Variants in EIF3A observed in about 807,000 individuals in gnomAD.
EIF3A encodes EIF3, p180 subunit.
A neutral mutation model predicts 186.6 loss-of-function variants in EIF3A; 21 were observed. That is an observed-to-expected ratio of 0.11 (90% CI 0.08 to 0.16). The LOEUF (loss-of-function observed/expected upper bound fraction) is 0.16. Ranked by LOEUF, EIF3A falls within the 10% of genes least tolerant of loss-of-function variation. The pLI, the probability that EIF3A is intolerant of heterozygous loss-of-function variation, is 1.00. For missense variants in EIF3A, 1,306 were observed against 1,796.3 expected (o/e 0.73, Z 4.93); for synonymous variants, 563 against 584.3 (o/e 0.96, Z 0.52).
In EIF3A at chr10:119,065,423, T is replaced by C. The variant is rs1843956432; in HGVS notation, c.1098A>G (p.Thr366=). Residue 366 remains threonine, a synonymous_variant, in exon 7 of 22, where the codon ACA becomes ACG. Coordinates refer to ENST00000369144, the MANE Select transcript of EIF3A (RefSeq NM_003750.4). ...CCATATCATTAATAAGGCCAATTCG[T>C]GTCGGTGGGGCTTGAAGACCTAGTA... The part of the protein sequence containing the change: ...ATLLGLQAPP[T]RIGLINDMVR... 1 of 1,613,032 alleles carries C rather than the reference T, an allele frequency of 6.2e-7. No individual in the cohort carries two copies. Among genetic ancestry groups the C allele is most frequent in the Admixed American group, 1.7e-5 (1 of 59,662 alleles).
At chr10:119,049,503 A>AAAG (rs1397643947) in intron 17 of EIF3A, among the ~76,000 whole-genome samples, 1 of 150,972 alleles carries the variant, frequency 6.6e-6, no homozygotes, top group Non-Finnish European at 1.5e-5. Flanking sequence ...CAAAAAAAAA[A>AAAG]AAAAAAGAGA....
chr10:119,078,099 T>C (rs1208080042), intron 1 of EIF3A, among the ~76,000 whole-genome samples: 1 of 152,094 alleles, frequency 6.6e-6, no homozygotes, highest in African/African-American at 2.4e-5. Context: ...AGTTTATTTG[T>C]GCAACAGACC....
At chr10:119,075,391 T>C (rs530819066) in intron 1 of EIF3A, among the ~76,000 whole-genome samples, 1 of 152,204 alleles carries the variant, frequency 6.6e-6, no homozygotes, top group South Asian at 2.1e-4. Context: ...AGCAATACCT[T>C]TGCCATTACA....
In EIF3A at chr10:119,042,991, G is replaced by C. The variant is rs1263064132; in HGVS notation, c.2748-219C>G. Reference sequence around the variant, plus strand: ...TGGCAAAACCCATCTCTACTTAATTGTAAGACATGCGGCTGGGCACAGTCG... The same window carrying C: ...TGGCAAAACCCATCTCTACTTAATTCTAAGACATGCGGCTGGGCACAGTCG... On this transcript the variant is annotated intron_variant, in intron 18 of 21. Coordinates refer to ENST00000369144, the MANE Select transcript of EIF3A (RefSeq NM_003750.4). This position sits in a 1 kb window ranked among gnomAD's most constrained non-coding sequence, Gnocchi z 7.8. 6.6e-6 allele frequency among the ~76,000 whole-genome samples: 1 copy of C among 150,940 alleles called. No homozygotes were observed. The highest frequency in any genetic ancestry group is 2.4e-5 in the African/African-American group (1 of 40,976).
intron 11 of EIF3A, 77 bp downstream of exon 11, chr10:119,059,135 C>CT: frequency 8.4e-7 from 1 of 1,191,964 alleles, no homozygotes; most frequent in Non-Finnish European, 1.2e-6. Flanking sequence ...TGTCTCAAAC[C>CT]TTTTTGTAAA....
At chr10:119,050,842 G>A (rs760997130) in intron 15 of EIF3A, among the ~76,000 whole-genome samples, 168 bp from the exon 16 acceptor site, 1 of 152,050 alleles carries the variant, frequency 6.6e-6, no homozygotes, top group Non-Finnish European at 1.5e-5. Flanking sequence ...CTTGTCAGCA[G>A]GCCAAATTTT....
intron 17 of EIF3A, 122 bp downstream of exon 17, chr10:119,049,679 G>T (rs1848330307): frequency 6.5e-6 from 5 of 770,474 alleles, no homozygotes; most frequent in Non-Finnish European, 1.1e-5. Flanking sequence ...TTGAACCCGG[G>T]GGCTGAGATT....
In EIF3A at chr10:119,035,084, G is replaced by A. The variant is rs1420007630; in HGVS notation, c.*955C>T. 6.6e-6 allele frequency: 1 copy of A among 152,428 alleles called. No homozygotes were observed. Among genetic ancestry groups the A allele is most frequent in the Non-Finnish European group, 1.5e-5 (1 of 67,994 alleles). The allele number at this position is 152,428 out of a possible 1,614,324, so 9.4% of individuals were successfully genotyped here. A position where few individuals can be genotyped will look rare whatever the true frequency, so the allele number is the denominator to read the frequency against. ...TATTTATCACTGAAGAAAAAACACA[G>A]CAGCAAGTTCTGTGTTGGCTTCAAT... On this transcript the variant is annotated 3_prime_UTR_variant, in exon 22 of 22. Transcript: ENST00000369144.
rs1243808164 is a variant in EIF3A at position 119,072,207 on chromosome 10, T to TA, written c.541+682dup. ...TCTTTTTTAAAAACTAAAAATAAAT[T>TA]AAAAAAAAAAAAAAAAGTAGAGAAC... On this transcript the variant is annotated intron_variant, in intron 4 of 21. Coordinates refer to ENST00000369144, the MANE Select transcript of EIF3A (RefSeq NM_003750.4). 4.7e-3 allele frequency among the ~76,000 whole-genome samples: 385 copies of TA among 82,480 alleles called. 4 individuals carry two copies. Among genetic ancestry groups the TA allele is most frequent in the African/African-American group, 0.018 (342 of 19,098 alleles). 54.1% of individuals were successfully genotyped at this position (82,480 alleles called of 152,430 possible).
chr10:119,042,154 G>T lies in EIF3A; in HGVS notation c.3366C>A (p.Asn1122Lys), dbSNP rs756641321. The change falls in exon 19 of 22, where the codon AAC becomes AAA. Residue 1122 changes from asparagine (N) to lysine (K), a missense_variant. Asn to Lys is a moderately conservative substitution (Grantham distance 94, BLOSUM62 0). Coordinates refer to ENST00000369144, the MANE Select transcript of EIF3A (RefSeq NM_003750.4). The surrounding 1 kb of genome is among the most constrained non-coding windows in gnomAD (Gnocchi z 7.8). The stretch of plus-strand genomic sequence containing the variant: ...GCCTGGGAATTCTGTCATCATCGGC[G>T]TTCCTCCAAGGTCCTCGATCATCAT... ...GLDDDRGPWR[N>K]ADDDRIPRRG... 1 of 1,613,840 alleles carries T rather than the reference G, an allele frequency of 6.2e-7. No homozygotes were observed. The highest frequency in any genetic ancestry group is 8.5e-7 in the Non-Finnish European group (1 of 1,179,914).
intron 14 of EIF3A, among the ~76,000 whole-genome samples, chr10:119,052,796 T>C (rs1848376658): frequency 6.6e-6 from 1 of 152,206 alleles, no homozygotes. Context: ...CCAAACTCTT[T>C]CTAATGCTGA....
intron 1 of EIF3A, chr10:119,080,271 A>T (rs1844242096): frequency 5.1e-6 from 5 of 977,808 alleles, no homozygotes; most frequent in Non-Finnish European, 6.1e-6. Flanking sequence ...CGCGGGCCCT[A>T]AGCAGACCAA....
In EIF3A at chr10:119,048,356, G is replaced by T. The variant is rs115027629; in HGVS notation, c.2658+1445C>A. Among the ~76,000 whole-genome samples, 412 of 152,206 alleles carry T rather than the reference G, an allele frequency of 2.7e-3. 2 individuals are homozygous for T. The highest frequency in any genetic ancestry group is 9.6e-3 in the African/African-American group (397 of 41,530). On this transcript the variant is annotated intron_variant, in intron 17 of 21. Coordinates refer to ENST00000369144, the MANE Select transcript of EIF3A (RefSeq NM_003750.4). ...GCAGTAATGTAGGAAAAGAAAGAAG[G>T]AAGAGTTGGTTCAAAGCTGTGACAA...
At chr10:119,043,262 T>C (rs1484834144) in intron 18 of EIF3A, among the ~76,000 whole-genome samples, 1 of 152,074 alleles carries the variant, frequency 6.6e-6, no homozygotes, top group Non-Finnish European at 1.5e-5. Flanking sequence ...CTACTAAAAA[T>C]GCAAAAATTA....
chr10:119,042,148 A>C lies in EIF3A; in HGVS notation c.3372T>G (p.Asp1124Glu). The change falls in exon 19 of 22, where the codon GAT becomes GAG. Residue 1124 changes from aspartate (D) to glutamate (E), a missense_variant. Physicochemically the swap from Asp to Glu is conservative, Grantham distance 45. Transcript: ENST00000369144. This position sits in a 1 kb window ranked among gnomAD's most constrained non-coding sequence, Gnocchi z 7.8. Reference protein sequence around the residue: ...DDDRGPWRNADDDRIPRRGAE... With the variant: ...DDDRGPWRNAEDDRIPRRGAE... The stretch of plus-strand genomic sequence containing the variant: ...CACCACGCCTGGGAATTCTGTCATC[A>C]TCGGCGTTCCTCCAAGGTCCTCGAT... 1 of 1,613,848 alleles carries C rather than the reference A, an allele frequency of 6.2e-7. No homozygotes were observed. The highest frequency in any genetic ancestry group is 1.1e-5 in the South Asian group (1 of 91,054).
In EIF3A at chr10:119,051,288, G is replaced by A. The variant is rs150172410; in HGVS notation, c.2230C>T (p.Leu744Phe). ...CGTGACATTCGATTCTTATGTTCAA[G>A]AGCCTTTTCACGTTCTAGCTGCATT... ...TTMQLEREKA[L>F]EHKNRMSRML... Residue 744 changes from leucine to phenylalanine, a missense_variant, in exon 15 of 22, where the codon CTT (leucine) becomes TTT (phenylalanine). Physicochemically the swap from Leu to Phe is conservative, Grantham distance 22. This residue lies in a region of EIF3A where 410 missense variants were observed against 473.5 expected (regional missense o/e 0.87). Transcript: ENST00000369144. The A allele has an allele frequency of 1.2e-6, 2 of 1,607,540 alleles. No homozygotes were observed. Among genetic ancestry groups the A allele is most frequent in the Non-Finnish European group, 1.7e-6 (2 of 1,178,090 alleles).
chr10:119,057,025 C>T lies in EIF3A; in HGVS notation c.1993G>A (p.Asp665Asn). Residue 665 changes from aspartate (D) to asparagine (N), a missense_variant, in exon 13 of 22, where the codon GAT becomes AAT. Asp to Asn is a conservative substitution (Grantham distance 23). This residue lies in a region of EIF3A where 94 missense variants were observed against 204.9 expected (regional missense o/e 0.46). Coordinates refer to ENST00000369144, the MANE Select transcript of EIF3A (RefSeq NM_003750.4). ...DIDIEDLEEL[D>N]PDFIMAKQVE... ...TGTTTAGCCATGATAAAATCTGGAT[C>T]CAATTCCTCAAGGTCCTGAAAGGTA... The T allele has an allele frequency of 6.2e-7, 1 of 1,607,764 alleles. No individual in the cohort carries two copies. The highest frequency in any genetic ancestry group is 8.5e-7 in the Non-Finnish European group (1 of 1,177,368).
At chr10:119,071,114 G>A in intron 4 of EIF3A, 29 bp from the exon 5 acceptor site, 1 of 1,484,376 alleles carries the variant, frequency 6.7e-7, no homozygotes, top group Non-Finnish European at 9.4e-7. Context: ...AATATATTAG[G>A]TACCTTCCAC....
In EIF3A at chr10:119,051,285, C is replaced by A; in HGVS notation, c.2233G>T (p.Glu745Ter). Residue 745 changes from glutamate to a stop codon, truncating the protein, a stop_gained, in exon 15 of 22, where the codon GAA (glutamate) becomes TAA (stop). Coordinates refer to ENST00000369144, the MANE Select transcript of EIF3A (RefSeq NM_003750.4). LOFTEE classifies it high-confidence loss of function. ...TMQLEREKAL[E>*]HKNRMSRMLE... ...ATTCGTGACATTCGATTCTTATGTT[C>A]AAGAGCCTTTTCACGTTCTAGCTGC... 6.2e-7 allele frequency: 1 copy of A among 1,608,872 alleles called. No homozygotes were observed. The highest frequency in any genetic ancestry group is 1.1e-5 in the South Asian group (1 of 89,974).
Sources: gnomAD v4.1 joint callset for allele counts (sites outside exome capture counted in the v4.1 genomes callset) on GRCh38, gnomAD v4.1.1 for gene constraint, gnomAD v4.1.1 regional missense constraint, Gnocchi (gnomAD v3.1) non-coding constraint, MANE v1.5 for transcripts, NCBI Gene and HGNC (gene_info 2026-07-23, HGNC 2026-07-21) for gene names.